Variants in TMEM132C observed in about 807,000 individuals in gnomAD.
The protein encoded by TMEM132C is protein phosphatase 1, regulatory subunit 152.
TMEM132C carries 29 observed loss-of-function variants against 61.4 expected under a neutral mutation model. That is an observed-to-expected ratio of 0.47 (90% CI 0.35 to 0.64). TMEM132C has a LOEUF of 0.64. Among genes scored for constraint, TMEM132C ranks in the 30% least tolerant of loss-of-function variants. The pLI is 0.00. For synonymous variants in TMEM132C, 656 were observed against 633.1 expected (o/e 1.04, Z -0.54); for missense variants, 1,408 against 1,476.9 (o/e 0.95, Z 0.76).
chr12:128,487,119 G>T (rs1255155513), intron 2 of TMEM132C, among the ~76,000 whole-genome samples: 1 of 152,194 alleles, frequency 6.6e-6, no homozygotes, highest in Non-Finnish European at 1.5e-5. Context: ...TTTCTGGAGT[G>T]ATTGGCTGTG....
At chr12:128,272,677 C>T (rs1358671813) in intron 1 of TMEM132C, among the ~76,000 whole-genome samples, 1 of 152,054 alleles carries the variant, frequency 6.6e-6, no homozygotes, top group Non-Finnish European at 1.5e-5. Flanking sequence ...TGATATTATC[C>T]ATTTTGTTTT....
intron 1 of TMEM132C, among the ~76,000 whole-genome samples, chr12:128,391,281 C>G (rs1254534377): frequency 6.6e-6 from 1 of 152,154 alleles, no homozygotes; most frequent in Non-Finnish European, 1.5e-5. Context: ...GGCCAGGAGA[C>G]CCTTTCTCAT....
intron 4 of TMEM132C, among the ~76,000 whole-genome samples, chr12:128,651,439 C>T (rs753886502): frequency 4.6e-5 from 7 of 152,222 alleles, no homozygotes; most frequent in Non-Finnish European, 7.3e-5. Flanking sequence ...CTTAAAGCGC[C>T]GTGCCCTCAA....
chr12:128,703,501 A>C (rs1954816924), intron 8 of TMEM132C, among the ~76,000 whole-genome samples: 1 of 152,218 alleles, frequency 6.6e-6, no homozygotes, highest in South Asian at 2.1e-4. Context: ...GCTGCATAGT[A>C]TTCCACGGTG....
intron 5 of TMEM132C, among the ~76,000 whole-genome samples, chr12:128,685,556 G>C (rs1263706556): frequency 1.3e-5 from 2 of 152,160 alleles, no homozygotes; most frequent in Admixed American, 1.3e-4. Flanking sequence ...ACGACTAGCA[G>C]AAGTACACAT....
At chr12:128,601,416 A>G (rs1291089395) in intron 3 of TMEM132C, among the ~76,000 whole-genome samples, 1 of 152,254 alleles carries the variant, frequency 6.6e-6, no homozygotes, top group East Asian at 1.9e-4. Context: ...TCACGAGGCG[A>G]TCACGGGGAG....
At chr12:128,311,480 C>T (rs1009758779) in intron 1 of TMEM132C, among the ~76,000 whole-genome samples, 4 of 152,188 alleles carry the variant, frequency 2.6e-5, no homozygotes, top group African/African-American at 9.6e-5. Context: ...GGAGGGGACC[C>T]GCTTCTCTGC....
intron 8 of TMEM132C, among the ~76,000 whole-genome samples, chr12:128,704,647 A>G (rs1158339961): frequency 6.6e-6 from 1 of 152,156 alleles, no homozygotes; most frequent in Admixed American, 6.5e-5. Context: ...AACCTTTGTC[A>G]TCAGGCTGGA....
At chr12:128,476,685 C>T (rs1183392729) in intron 2 of TMEM132C, among the ~76,000 whole-genome samples, 20 of 151,156 alleles carry the variant, frequency 1.3e-4, no homozygotes, top group Admixed American at 1.2e-3. Flanking sequence ...GCCTCAGCTG[C>T]ACAGTACAAG....
chr12:128,568,550 G>T (rs147447658), intron 3 of TMEM132C, among the ~76,000 whole-genome samples: 1 of 152,194 alleles, frequency 6.6e-6, no homozygotes, highest in Non-Finnish European at 1.5e-5. Context: ...TACGAGGTGG[G>T]TGTGGTTATC....
At chr12:128,530,264 G>A (rs1873239848) in intron 2 of TMEM132C, among the ~76,000 whole-genome samples, 1 of 152,112 alleles carries the variant, frequency 6.6e-6, no homozygotes, top group Non-Finnish European at 1.5e-5. Flanking sequence ...TGGCACAGCA[G>A]CCAGCCCTTC....
At chr12:128,391,027 G>A (rs553354957) in intron 1 of TMEM132C, among the ~76,000 whole-genome samples, 45 of 152,222 alleles carry the variant, frequency 3.0e-4, no homozygotes, top group African/African-American at 9.9e-4. Context: ...ATGCCTTAAC[G>A]CTGCGGTTCT....
At chr12:128,436,298 TG>T (rs1356564873) in intron 2 of TMEM132C, among the ~76,000 whole-genome samples, 4 of 151,682 alleles carry the variant, frequency 2.6e-5, no homozygotes, top group Non-Finnish European at 5.9e-5. Context: ...AATAGACAAA[TG>T]GGATCTAATT....
At chr12:128,671,257 G>A (rs752612835) in intron 5 of TMEM132C, among the ~76,000 whole-genome samples, 6 of 152,124 alleles carry the variant, frequency 3.9e-5, no homozygotes, top group East Asian at 1.9e-4. Context: ...TCCCAGAAAC[G>A]GCTTGCCTAG....
intron 3 of TMEM132C, among the ~76,000 whole-genome samples, chr12:128,603,424 G>A (rs1428262782): frequency 6.6e-6 from 1 of 152,190 alleles, no homozygotes; most frequent in African/African-American, 2.4e-5. Context: ...CAGAGGGAAT[G>A]AGAGCACAGG....
At chr12:128,474,438 T>C (rs1871089022) in intron 2 of TMEM132C, among the ~76,000 whole-genome samples, 1 of 152,104 alleles carries the variant, frequency 6.6e-6, no homozygotes, top group Non-Finnish European at 1.5e-5. Context: ...CAGAAAAACA[T>C]CACACCTAGG....
intron 7 of TMEM132C, 44 bp from the exon 8 acceptor site, chr12:128,697,180 A>G (rs1209814447): frequency 6.9e-7 from 1 of 1,452,826 alleles, no homozygotes; most frequent in Non-Finnish European, 9.2e-7. Flanking sequence ...TAACATCTGG[A>G]AACAGGTGTG....
At chr12:128,560,442 G>A (rs769101584) in intron 3 of TMEM132C, among the ~76,000 whole-genome samples, 5 of 152,272 alleles carry the variant, frequency 3.3e-5, no homozygotes, top group East Asian at 3.9e-4. Context: ...TGAGCTAAGC[G>A]TGTTTCTACC....
In TMEM132C at chr12:128,443,706, C is replaced by T. The variant is rs573901585; in HGVS notation, c.974+28086C>T. Among the ~76,000 whole-genome samples the T allele has an allele frequency of 2.0e-5, 3 of 152,220 alleles. No individual in the cohort carries two copies. In the East Asian group the frequency reaches 5.8e-4, roughly 29 times the overall value. On this transcript the variant is annotated intron_variant, in intron 2 of 8. Transcript: ENST00000435159. ...TGAGACCAGCCTCCATCTGCAGCCT[C>T]GTTTTTCATCCCGCTTCCCCACACT...
Sources: gnomAD v4.1 joint callset for allele counts (sites outside exome capture counted in the v4.1 genomes callset) on GRCh38, gnomAD v4.1.1 for gene constraint, MANE v1.5 for transcripts, NCBI Gene and HGNC (gene_info 2026-07-23, HGNC 2026-07-21) for gene names.